KIF18A: variants seen among roughly 807,000 people sequenced by gnomAD.
The protein encoded by KIF18A is kinesin family member 18A, also known as kinesin-like protein KIF18A.
KIF18A carries 67 observed loss-of-function variants against 103.3 expected under a neutral mutation model. The observed-to-expected ratio is 0.65, with a 90% CI of 0.53 to 0.79. The LOEUF (loss-of-function observed/expected upper bound fraction) is 0.79. KIF18A is among the 30% of genes least tolerant of loss of function. The pLI, the probability that KIF18A is intolerant of heterozygous loss-of-function variation, is 0.00. For synonymous variants in KIF18A, 367 were observed against 355.5 expected, an observed-to-expected ratio of 1.03 and a Z score of -0.36; for missense variants, 1,032 against 1,062.5, an observed-to-expected ratio of 0.97 and a Z score of 0.40.
chr11:28,077,521 G>A (rs1851109890), intron 9 of KIF18A, among the ~76,000 whole-genome samples: 1 of 152,050 alleles, frequency 6.6e-6, no homozygotes, highest in African/African-American at 2.4e-5. Flanking sequence ...TTTGTTTGTT[G>A]GAAAAGGATG....
chr11:28,092,548 A>G (rs1052788098), intron 3 of KIF18A, among the ~76,000 whole-genome samples: 3 of 152,224 alleles, frequency 2.0e-5, no homozygotes, highest in Non-Finnish European at 4.4e-5. Context: ...AATTTTTATA[A>G]GTAACACACA....
chr11:28,078,659 T>G (rs1384734492), intron 9 of KIF18A, among the ~76,000 whole-genome samples: 1 of 152,152 alleles, frequency 6.6e-6, no homozygotes, highest in East Asian at 1.9e-4. Flanking sequence ...TTTCTTGGTA[T>G]AGTCATAAGT....
intron 13 of KIF18A, among the ~76,000 whole-genome samples, chr11:28,046,355 A>T (rs1470187414): frequency 6.7e-6 from 1 of 149,998 alleles, no homozygotes; most frequent in Non-Finnish European, 1.5e-5. Context: ...ACCATGGAAG[A>T]CTATGCAGCC....
chr11:28,098,889 C>T (rs1275415560), intron 1 of KIF18A, among the ~76,000 whole-genome samples: 1 of 149,112 alleles, frequency 6.7e-6, no homozygotes, highest in Non-Finnish European at 1.5e-5. Flanking sequence ...CAAAAAAAAA[C>T]CAAACCACAA....
At chr11:28,102,030 C>A (rs1173672961) in intron 1 of KIF18A, among the ~76,000 whole-genome samples, 1 of 152,104 alleles carries the variant, frequency 6.6e-6, no homozygotes, top group Non-Finnish European at 1.5e-5. Context: ...ATTTAACACC[C>A]AAAATAGATT....
intron 13 of KIF18A, among the ~76,000 whole-genome samples, chr11:28,043,677 T>A (rs1383987251): frequency 1.5e-5 from 1 of 68,316 alleles, no homozygotes; most frequent in Non-Finnish European, 2.8e-5. Flanking sequence ...ATCCCAATTT[T>A]GACAAAACAA....
Position 28,088,649 on chromosome 11 carries a change from C to T in KIF18A, c.772G>A (p.Asp258Asn), listed in dbSNP as rs776327950. 1 of 1,613,946 alleles carries T rather than the reference C, an allele frequency of 6.2e-7. No homozygotes were observed. The highest frequency in any genetic ancestry group is 1.7e-5 in the Admixed American group (1 of 59,998). Reference protein sequence around the residue: ...NVRIAKMSLIDLAGSERASTS... With the variant: ...NVRIAKMSLINLAGSERASTS... ...CTTGCTCGCTCAGATCCTGCCAGGT[C>T]AATGAGTGACATCTTGGCAATACGG... The change falls in exon 6 of 17, where the codon GAC becomes AAC. Residue 258 changes from aspartate to asparagine, a missense_variant. Transcript: ENST00000263181.
In KIF18A at chr11:28,069,419, G is replaced by C; in HGVS notation, c.1430C>G (p.Thr477Ser). ...TGCAAGTCTATGATCTCGTTTTCCA[G>C]TGGCCTGAAACACGATTCATTTAAC... ...MCSEDKVEKATGKRDHRLAML... is the reference protein window; with the variant it reads ...MCSEDKVEKASGKRDHRLAML... Residue 477 changes from threonine to serine, a missense_variant, in exon 11 of 17, where the codon ACT becomes AGT. Coordinates refer to ENST00000263181, the MANE Select transcript of KIF18A (RefSeq NM_031217.4). 1.2e-6 allele frequency: 2 copies of C among 1,612,554 alleles called. No homozygotes were observed. Among genetic ancestry groups the C allele is most frequent in the Non-Finnish European group, 1.7e-6 (2 of 1,179,410 alleles).
chr11:28,036,244 G>A lies in KIF18A; in HGVS notation c.2369C>T (p.Pro790Leu). 3.1e-6 allele frequency: 5 copies of A among 1,598,786 alleles called. No homozygotes were observed. The highest frequency in any genetic ancestry group is 4.3e-6 in the Non-Finnish European group (5 of 1,172,194). Residue 790 changes from proline (P) to leucine (L), a missense_variant, in exon 14 of 17, where the codon CCA (proline) becomes CTA (leucine). By Grantham distance (98) the Pro-to-Leu change is moderately conservative. Transcript: ENST00000263181. ...KCKLPEQESL[P>L]NDNKDILQRL... ...TTGTAAAATGTCTTTGTTATCATTT[G>A]GTAGTGATTCTTGTTCGGGTAATTT...
chr11:28,062,742 G>A (rs1338981097), intron 11 of KIF18A, among the ~76,000 whole-genome samples: 2 of 152,034 alleles, frequency 1.3e-5, no homozygotes, highest in Non-Finnish European at 2.9e-5. Flanking sequence ...GAATTCAGAA[G>A]AAATTTTACT....
intron 13 of KIF18A, among the ~76,000 whole-genome samples, chr11:28,047,620 G>A (rs1850654537): frequency 6.6e-6 from 1 of 152,072 alleles, no homozygotes; most frequent in Non-Finnish European, 1.5e-5. Flanking sequence ...AATTATATTT[G>A]TTGTTGCCAG....
intron 13 of KIF18A, among the ~76,000 whole-genome samples, chr11:28,053,924 TAAAA>T (rs34579022): frequency 2.9e-5 from 4 of 138,628 alleles, no homozygotes. Context: ...CTGGTGAGGC[TAAAA>T]AAAAAAAAAA....
At chr11:28,099,103 T>A (rs912048350) in intron 1 of KIF18A, among the ~76,000 whole-genome samples, 1 of 152,096 alleles carries the variant, frequency 6.6e-6, no homozygotes, top group Non-Finnish European at 1.5e-5. Flanking sequence ...TATCAACAGA[T>A]AAATAGATCG....
At chr11:28,024,565 A>T in intron 15 of KIF18A, among the ~76,000 whole-genome samples, 1 of 152,298 alleles carries the variant, frequency 6.6e-6, no homozygotes, top group Non-Finnish European at 1.5e-5. Context: ...GAAAAAAATA[A>T]GATAAATACA....
intron 12 of KIF18A, among the ~76,000 whole-genome samples, chr11:28,062,105 A>G (rs1280895930): frequency 6.6e-6 from 1 of 152,128 alleles, no homozygotes; most frequent in East Asian, 1.9e-4. Flanking sequence ...ATAGAGGTAG[A>G]AGGCAGATTT....
In KIF18A at chr11:28,084,636, G is replaced by C; in HGVS notation, c.1070C>G (p.Ser357Cys). 6.2e-7 allele frequency: 1 copy of C among 1,604,396 alleles called. No individual in the cohort carries two copies. The highest frequency in any genetic ancestry group is 1.7e-5 in the Admixed American group (1 of 59,468). The change falls in exon 7 of 17, where the codon TCT becomes TGT. Residue 357 changes from serine to cysteine, a missense_variant. Ser to Cys is a moderately radical substitution (Grantham distance 112, BLOSUM62 -1). Coordinates refer to ENST00000263181, the MANE Select transcript of KIF18A (RefSeq NM_031217.4). ...KYANRAKDIK[S>C]SLKSNVLNVN... Reference sequence around the variant, plus strand: ...AGGCAGAGTAAACAGACTTACAGAAGATTTAATGTCCTTTGCCCGGTTAGC... The same window carrying C: ...AGGCAGAGTAAACAGACTTACAGAACATTTAATGTCCTTTGCCCGGTTAGC...
At chr11:28,048,341 G>A (rs1001903723) in intron 13 of KIF18A, among the ~76,000 whole-genome samples, 2 of 152,088 alleles carry the variant, frequency 1.3e-5, no homozygotes, top group Non-Finnish European at 2.9e-5. Context: ...GGTGTCGCTT[G>A]TAATAATAAA....
chr11:28,027,551 G>A (rs1157105315), intron 15 of KIF18A, among the ~76,000 whole-genome samples: 2 of 151,540 alleles, frequency 1.3e-5, no homozygotes, highest in African/African-American at 4.8e-5. Context: ...ATATTTTCTA[G>A]ACTTTTAAAA....
intron 15 of KIF18A, among the ~76,000 whole-genome samples, chr11:28,029,325 T>A (rs999561869): frequency 6.6e-6 from 1 of 152,124 alleles, no homozygotes; most frequent in Non-Finnish European, 1.5e-5. Flanking sequence ...AAAAAGCTTA[T>A]CCACCATGAG....
Sources: gnomAD v4.1 joint callset for allele counts (sites outside exome capture counted in the v4.1 genomes callset) on GRCh38, gnomAD v4.1.1 for gene constraint, MANE v1.5 for transcripts, NCBI Gene and HGNC (gene_info 2026-07-23, HGNC 2026-07-21) for gene names.